The following DNAH8 variants were observed in gnomAD, a reference collection of about 807,000 sequenced individuals.
DNAH8 encodes the protein dynein axonemal heavy chain 8, also known as axonemal beta dynein heavy chain 8.
A neutral mutation model predicts 562.1 loss-of-function variants in DNAH8; 382 were observed. That is an observed-to-expected ratio of 0.68 (90% CI 0.63 to 0.74). The LOEUF is 0.74. Among genes scored for constraint, DNAH8 ranks in the 30% least tolerant of loss-of-function variants. The pLI, the probability that DNAH8 is intolerant of heterozygous loss-of-function variation, is 0.00. For missense variants in DNAH8, 5,203 were observed against 5,620.4 expected (o/e 0.93, Z 2.37); for synonymous variants, 1,881 against 1,919.4 (o/e 0.98, Z 0.52).
intron 4 of DNAH8, among the ~76,000 whole-genome samples, chr6:38,733,730 G>C (rs1263929253): frequency 1.3e-5 from 2 of 151,880 alleles, no homozygotes; most frequent in South Asian, 4.1e-4. Flanking sequence ...GGCCAACATG[G>C]TAAAACCCTG....
chr6:38,839,375 GT>G (rs945233286), intron 33 of DNAH8, among the ~76,000 whole-genome samples: 6 of 145,046 alleles, frequency 4.1e-5, no homozygotes, highest in Admixed American at 6.9e-5. Context: ...TGTTTGTTTT[GT>G]TTTTTTTTTG....
chr6:38,742,842 A>G (rs753357360), intron 8 of DNAH8, among the ~76,000 whole-genome samples: 1 of 152,008 alleles, frequency 6.6e-6, no homozygotes, highest in Non-Finnish European at 1.5e-5. Context: ...ACTATGCACA[A>G]ATGACATAGT....
chr6:38,742,719 C>G (rs1764615046), intron 8 of DNAH8, among the ~76,000 whole-genome samples: 1 of 152,064 alleles, frequency 6.6e-6, no homozygotes, highest in African/African-American at 2.4e-5. Context: ...ATCACATACC[C>G]TTAGCCCCAC....
At position 38,755,981 on chromosome 6, in the gene DNAH8, G is replaced by T. The variant is rs776772658; in HGVS notation, c.1417G>T (p.Ala473Ser). The T allele has an allele frequency of 6.3e-7, 1 of 1,588,888 alleles. No individual in the cohort carries two copies. The highest frequency in any genetic ancestry group is 2.2e-5 in the East Asian group (1 of 44,602). ...PLYNHDLVSM[A>S]HGIQNLINAI... ...TTTGTTTCAATGTTAGGTTTCCATG[G>T]CACATGGAATACAAAATTTGATTAA... The change falls in exon 10 of 93, where the codon GCA (alanine) becomes TCA (serine). Residue 473 changes from alanine (A) to serine (S), a missense_variant. Ala to Ser is a moderately conservative substitution (Grantham distance 99). This residue lies in a region of DNAH8 where 2,176 missense variants were observed against 2,365.1 expected (regional missense o/e 0.92). Transcript: ENST00000327475.
At chr6:38,845,069 G>A (rs572245812) in intron 35 of DNAH8, among the ~76,000 whole-genome samples, 88 of 141,444 alleles carry the variant, frequency 6.2e-4, no homozygotes, top group African/African-American at 2.2e-3. Flanking sequence ...TTCTTATTAA[G>A]TATTCTCAAA....
chr6:38,790,151 T>C, intron 19 of DNAH8, 138 bp from the exon 20 acceptor site: 1 of 698,388 alleles, frequency 1.4e-6, no homozygotes, highest in East Asian at 2.7e-5. Flanking sequence ...AAATAAAAAG[T>C]CATCTTTATT....
rs1218090277 is a variant in DNAH8, at chr6:38,951,580, G to T, written c.12451+60G>T. 3 of 1,477,326 alleles carry T rather than the reference G, an allele frequency of 2.0e-6. No homozygotes were observed. In the African/African-American group the frequency reaches 4.2e-5, roughly 21 times the overall value. The allele number at this position is 1,477,326 out of a possible 1,614,324, so 91.5% of individuals were successfully genotyped here. On this transcript the variant is annotated intron_variant, in intron 82 of 92. Coordinates refer to ENST00000327475, the MANE Select transcript of DNAH8 (RefSeq NM_001206927.2). ...TCCATATTTTTTTGCCCCAAATTTT[G>T]CCTTTCGTAATTTTATAACTGATTC...
chr6:38,854,534 T>G (rs924573065), intron 41 of DNAH8, among the ~76,000 whole-genome samples: 7 of 152,208 alleles, frequency 4.6e-5, no homozygotes, highest in Admixed American at 4.6e-4. Flanking sequence ...AGAATAATAT[T>G]GTGATTTTTA....
intron 80 of DNAH8, among the ~76,000 whole-genome samples, chr6:38,948,810 C>T (rs565960018): frequency 1.3e-5 from 2 of 152,252 alleles, no homozygotes; most frequent in South Asian, 4.1e-4. Flanking sequence ...TGCTTCTGAA[C>T]AATATTTAAG....
intron 12 of DNAH8, among the ~76,000 whole-genome samples, chr6:38,774,745 CT>C (rs1455703366): frequency 2.6e-5 from 4 of 152,148 alleles, no homozygotes; most frequent in Non-Finnish European, 4.4e-5. Context: ...TAGTAGTTTG[CT>C]TTTGCTCTTT....
chr6:38,791,086 A>G (rs1022369684), intron 20 of DNAH8, among the ~76,000 whole-genome samples: 6 of 152,176 alleles, frequency 3.9e-5, no homozygotes, highest in Non-Finnish European at 8.8e-5. Context: ...TTGATTTCTG[A>G]CATATTGGCT....
intron 55 of DNAH8, 24 bp from the exon 56 acceptor site, chr6:38,883,852 G>A (rs764557436): frequency 3.9e-6 from 6 of 1,525,412 alleles, no homozygotes; most frequent in Non-Finnish European, 5.3e-6. Context: ...TAATGCATAA[G>A]ACAAAACGTT....
At chr6:38,725,343 C>G (rs2127568403) in intron 3 of DNAH8, among the ~76,000 whole-genome samples, 1 of 66,008 alleles carries the variant, frequency 1.5e-5, no homozygotes, top group East Asian at 6.3e-4. Flanking sequence ...TAATAAAGAG[C>G]TACTCCCTTG....
intron 31 of DNAH8, among the ~76,000 whole-genome samples, chr6:38,834,305 A>G (rs777418353): frequency 7.9e-5 from 12 of 152,190 alleles, no homozygotes; most frequent in Admixed American, 2.0e-4. Flanking sequence ...GAGTGATGAA[A>G]ATGTTCTAAA....
chr6:38,748,347 T>C (rs1765132975), intron 8 of DNAH8, among the ~76,000 whole-genome samples: 1 of 152,176 alleles, frequency 6.6e-6, no homozygotes, highest in African/African-American at 2.4e-5. Flanking sequence ...GAAAGAAATA[T>C]ATTGGATGAC....
intron 63 of DNAH8, among the ~76,000 whole-genome samples, chr6:38,907,447 G>A (rs1026873465): frequency 6.6e-6 from 1 of 152,150 alleles, no homozygotes; most frequent in African/African-American, 2.4e-5. Flanking sequence ...AGTCTAGTTG[G>A]CACTGCAAAA....
intron 77 of DNAH8, 107 bp downstream of exon 77, chr6:38,935,804 A>T: frequency 1.3e-6 from 1 of 770,346 alleles, no homozygotes; most frequent in Non-Finnish European, 2.0e-6. Context: ...TACTCATGTT[A>T]TCAATGCAAA....
intron 3 of DNAH8, among the ~76,000 whole-genome samples, chr6:38,724,198 G>C (rs1763018679): frequency 6.6e-6 from 1 of 151,990 alleles, no homozygotes; most frequent in African/African-American, 2.4e-5. Context: ...GGCCAGGATG[G>C]TCTTGATCTC....
chr6:38,762,954 C>T (rs1158773915), intron 11 of DNAH8: 1 of 320,354 alleles, frequency 3.1e-6, no homozygotes. Flanking sequence ...ACAGTTGATC[C>T]CAAGGACTGG....
Sources: gnomAD v4.1 joint callset for allele counts (sites outside exome capture counted in the v4.1 genomes callset) on GRCh38, gnomAD v4.1.1 for gene constraint, gnomAD v4.1.1 regional missense constraint, MANE v1.5 for transcripts, NCBI Gene and HGNC (gene_info 2026-07-23, HGNC 2026-07-21) for gene names.